The following TBCD variants were observed in gnomAD, a reference collection of about 807,000 sequenced individuals.
TBCD encodes the protein tubulin-specific chaperone D.
A neutral mutation model predicts 169.3 loss-of-function variants in TBCD; 105 were observed. The observed-to-expected ratio is 0.62, with a 90% CI of 0.53 to 0.73. The LOEUF is 0.73. Among genes scored for constraint, TBCD ranks in the 30% least tolerant of loss-of-function variants. The pLI is 0.00. For missense variants in TBCD, 1,444 were observed against 1,600.1 expected (o/e 0.90, Z 1.66); for synonymous variants, 700 against 643.9 (o/e 1.09, Z -1.32).
At chr17:82,840,954 GTTTT>G (rs1295995328) in intron 13 of TBCD, among the ~76,000 whole-genome samples, 1 of 44,278 alleles carries the variant, frequency 2.3e-5, no homozygotes, top group Non-Finnish European at 4.6e-5. Context: ...AGACAAACTG[GTTTT>G]TTTTTTTTTT....
intron 13 of TBCD, chr17:82,860,499 A>G: frequency 1.1e-6 from 1 of 942,826 alleles, no homozygotes. Flanking sequence ...GAGGCTGATT[A>G]ATTTGCAAAC....
intron 34 of TBCD, among the ~76,000 whole-genome samples, chr17:82,936,885 TC>T (rs1344845241): frequency 2.0e-5 from 3 of 152,264 alleles, no homozygotes; most frequent in Admixed American, 2.0e-4. Context: ...GTCGGCAGTT[TC>T]CCCCGGCTCT....
chr17:82,922,332 G>T lies in TBCD; in HGVS notation c.2178+755G>T, dbSNP rs2061469472. Among the ~76,000 whole-genome samples the T allele has an allele frequency of 6.6e-6, 1 of 152,090 alleles. No individual in the cohort carries two copies. The highest frequency in any genetic ancestry group is 2.4e-5 in the African/African-American group (1 of 41,402). On this transcript the variant is annotated intron_variant, in intron 25 of 38. Transcript: ENST00000355528. This position sits in a 1 kb window ranked among gnomAD's most constrained non-coding sequence, Gnocchi z 4.1. ...ACCGAGATCACGCCATTGCACTCCAGCCTGGGTGACAAGAGCAAGACCCTG... is the reference window on the plus strand; with the variant it reads ...ACCGAGATCACGCCATTGCACTCCATCCTGGGTGACAAGAGCAAGACCCTG...
At chr17:82,893,900 C>T (rs903343072) in intron 17 of TBCD, among the ~76,000 whole-genome samples, 8 of 152,178 alleles carry the variant, frequency 5.3e-5, no homozygotes, top group Non-Finnish European at 7.3e-5. Flanking sequence ...GCGGCCTTGC[C>T]GTGAGTGCTG....
At chr17:82,932,491 T>A (rs2062291169) in intron 33 of TBCD, among the ~76,000 whole-genome samples, 167 bp from the exon 34 acceptor site, 1 of 152,266 alleles carries the variant, frequency 6.6e-6, no homozygotes, top group South Asian at 2.1e-4. Flanking sequence ...CAGCCTTGTT[T>A]CTTCTTTCCA....
Position 82,807,643 on chromosome 17 carries a change from G to A in TBCD, c.1123G>A (p.Val375Ile). ...GGTCGGGCTGAAGGACAAGGACACG[G>A]TCGTGCGGTGGTCTGCAGCCAAGGG... ...LLVGLKDKDTVVRWSAAKGIG... is the reference protein window; with the variant it reads ...LLVGLKDKDTIVRWSAAKGIG... Residue 375 changes from valine (V) to isoleucine (I), a missense_variant, in exon 11 of 39, where the codon GTC becomes ATC. Transcript: ENST00000355528. The A allele has an allele frequency of 1.9e-6, 3 of 1,555,600 alleles. No individual in the cohort carries two copies. The South Asian group carries it at 3.7e-5, about 19-fold the overall frequency.
chr17:82,855,710 A>G (rs190969325), intron 13 of TBCD, among the ~76,000 whole-genome samples: 3 of 152,322 alleles, frequency 2.0e-5, no homozygotes, highest in East Asian at 1.9e-4. Flanking sequence ...TTGCACAGCT[A>G]TTACTTCTGT....
chr17:82,927,031 C>T (rs2061817629), intron 28 of TBCD, 155 bp from the exon 29 acceptor site: 8 of 1,030,296 alleles, frequency 7.8e-6, no homozygotes, highest in South Asian at 1.7e-5. Flanking sequence ...ACGTTCCATA[C>T]ATGTGGAAGG....
chr17:82,818,974 C>T (rs181777016), intron 13 of TBCD, among the ~76,000 whole-genome samples: 34 of 152,212 alleles, frequency 2.2e-4, no homozygotes, highest in South Asian at 2.1e-3. Flanking sequence ...AGAAGAATCG[C>T]GTGAACCCAG....
intron 13 of TBCD, among the ~76,000 whole-genome samples, chr17:82,838,480 T>C (rs2054175224): frequency 6.6e-6 from 1 of 152,202 alleles, no homozygotes; most frequent in Non-Finnish European, 1.5e-5. Flanking sequence ...TTTGGTGGTG[T>C]CCAGCTGTCT....
intron 34 of TBCD, chr17:82,932,993 G>A: frequency 2.0e-6 from 1 of 498,640 alleles, no homozygotes; most frequent in Non-Finnish European, 3.6e-6. Context: ...GCCCTGCTGT[G>A]CACTCTCCCC....
Position 82,752,164 on chromosome 17 carries a change from AGGC to A in TBCD, c.-27_-25del. ...GCGGAGTGGGATCTGCGAACACGTG[AGGC>A]GGGGGCGCGGTCCCCAGGCTGCCGA... On this transcript the variant is annotated 5_prime_UTR_variant, in exon 1 of 39. Coordinates refer to ENST00000355528, the MANE Select transcript of TBCD (RefSeq NM_005993.5). The A allele has an allele frequency of 6.7e-7, 1 of 1,488,270 alleles. No individual in the cohort carries two copies. The highest frequency in any genetic ancestry group is 8.9e-7 in the Non-Finnish European group (1 of 1,122,162). 92.2% of individuals were successfully genotyped at this position (1,488,270 alleles called of 1,614,324 possible). A position where few individuals can be genotyped will look rare whatever the true frequency, so the allele number is the denominator to read the frequency against.
chr17:82,777,904 C>CGCTA (rs2048702161), intron 6 of TBCD, among the ~76,000 whole-genome samples: 1 of 152,190 alleles, frequency 6.6e-6, no homozygotes, highest in Non-Finnish European at 1.5e-5. Context: ...TTGACACTAA[C>CGCTA]GCTACCGCTA....
intron 13 of TBCD, among the ~76,000 whole-genome samples, chr17:82,850,693 A>G (rs1210683998): frequency 1.3e-5 from 2 of 152,194 alleles, no homozygotes; most frequent in Non-Finnish European, 2.9e-5. Context: ...GACCCCCTAC[A>G]GTATGGCTGT....
At chr17:82,788,508 C>T (rs540977277) in intron 7 of TBCD, among the ~76,000 whole-genome samples, 144 of 152,126 alleles carry the variant, frequency 9.5e-4, no homozygotes, top group African/African-American at 2.7e-3. Flanking sequence ...CTTTGCAGTG[C>T]GGTTTCTTTT....
At chr17:82,801,024 G>A in intron 9 of TBCD, 28 bp downstream of exon 9, 2 of 1,591,446 alleles carry the variant, frequency 1.3e-6, no homozygotes, top group African/African-American at 1.4e-5. Context: ...GGTGCCTGGG[G>A]AGGGCCACGG....
rs746680966 is a variant in TBCD at position 82,937,316 on chromosome 17, C to T, written c.3237C>T (p.Ile1079=). 1 of 1,613,874 alleles carries T rather than the reference C, an allele frequency of 6.2e-7. No individual in the cohort carries two copies. Among genetic ancestry groups the T allele is most frequent in the East Asian group, 2.2e-5 (1 of 44,892 alleles). Residue 1079 remains isoleucine, a synonymous_variant, in exon 35 of 39, where the codon ATC becomes ATT. Coordinates refer to ENST00000355528, the MANE Select transcript of TBCD (RefSeq NM_005993.5). ...TGCTTGCGCTCTGTAAGAAAGAAAT[C>T]AAGAATTCAAAAGATATCCAGAAGC... ...VKLLALCKKE[I]KNSKDIQKLL...
chr17:82,870,898 G>A (rs191802915), intron 14 of TBCD, among the ~76,000 whole-genome samples: 10 of 152,384 alleles, frequency 6.6e-5, no homozygotes, highest in Admixed American at 5.9e-4. Flanking sequence ...TTTTTGTTGA[G>A]GAGCTGGATT....
chr17:82,787,557 C>T (rs547665161), intron 7 of TBCD, among the ~76,000 whole-genome samples: 10 of 152,306 alleles, frequency 6.6e-5, no homozygotes, highest in South Asian at 2.1e-4. Flanking sequence ...GGAGGTTTCA[C>T]CTTGGGCTTG....
Sources: allele counts gnomAD v4.1 joint callset (sites outside exome capture counted in the v4.1 genomes callset), GRCh38; gene constraint gnomAD v4.1.1; non-coding constraint Gnocchi (gnomAD v3.1); transcripts MANE v1.5; gene names NCBI Gene and HGNC (gene_info 2026-07-23, HGNC 2026-07-21).